TMC5: variants seen among roughly 807,000 people sequenced by gnomAD.
The protein encoded by TMC5 is transmembrane channel-like protein 5.
TMC5 carries 86 observed loss-of-function variants against 110.5 expected under a neutral mutation model. The observed-to-expected ratio is 0.78, with a 90% CI of 0.65 to 0.93. The LOEUF is 0.93. TMC5 is among the 40% of genes least tolerant of loss of function. TMC5 has a pLI of 0.00. For missense variants in TMC5, 1,144 were observed against 1,222.8 expected (o/e 0.94, Z 0.96); for synonymous variants, 455 against 439.5 (o/e 1.04, Z -0.44).
At chr16:19,475,160 G>T (rs1474090388) in intron 12 of TMC5, among the ~76,000 whole-genome samples, 1 of 152,218 alleles carries the variant, frequency 6.6e-6, no homozygotes, top group Non-Finnish European at 1.5e-5. Flanking sequence ...GGTGGCTCAT[G>T]CCTGTAATCC....
At chr16:19,427,438 C>T (rs796954168) in intron 1 of TMC5, among the ~76,000 whole-genome samples, 3 of 152,240 alleles carry the variant, frequency 2.0e-5, no homozygotes, top group East Asian at 3.9e-4. Flanking sequence ...AGTGACAAAA[C>T]GAGACCCTGT....
chr16:19,464,333 A>G (rs1391181394), intron 8 of TMC5, among the ~76,000 whole-genome samples: 1 of 152,278 alleles, frequency 6.6e-6, no homozygotes, highest in South Asian at 2.1e-4. Context: ...CTAAGGTAAG[A>G]GGATTGCTTG....
chr16:19,458,599 C>T (rs1967944424), intron 5 of TMC5, among the ~76,000 whole-genome samples: 1 of 152,172 alleles, frequency 6.6e-6, no homozygotes, highest in Non-Finnish European at 1.5e-5. Context: ...AGAAAAATAT[C>T]CCTTTACTCA....
At chr16:19,484,710 G>A (rs560276667) in intron 15 of TMC5, among the ~76,000 whole-genome samples, 8 of 150,492 alleles carry the variant, frequency 5.3e-5, no homozygotes, top group South Asian at 2.1e-4. Context: ...GTAGTGAGCC[G>A]AGATCATGCC....
intron 9 of TMC5, 103 bp from the exon 10 acceptor site, chr16:19,469,578 G>T (rs539265405): frequency 7.0e-7 from 1 of 1,423,568 alleles, no homozygotes. Flanking sequence ...AAGTCTTCAC[G>T]TTGCCTTTCA....
intron 2 of TMC5, among the ~76,000 whole-genome samples, chr16:19,439,759 G>A (rs1967437101): frequency 6.6e-6 from 1 of 152,162 alleles, no homozygotes; most frequent in Non-Finnish European, 1.5e-5. Context: ...GAAGTTGTGG[G>A]TATCACTGCT....
chr16:19,431,174 T>C (rs1386881933), intron 2 of TMC5, among the ~76,000 whole-genome samples: 1 of 152,148 alleles, frequency 6.6e-6, no homozygotes, highest in Admixed American at 6.5e-5. Context: ...ATCACTAGCA[T>C]ATAGAACATT....
intron 11 of TMC5, among the ~76,000 whole-genome samples, chr16:19,472,639 C>T (rs560313461): frequency 7.9e-5 from 12 of 152,286 alleles, no homozygotes; most frequent in Non-Finnish European, 1.2e-4. Context: ...TGGGGCCAGG[C>T]CTTGCCTTGT....
chr16:19,447,040 A>G (rs1967630152), intron 4 of TMC5, among the ~76,000 whole-genome samples: 1 of 151,974 alleles, frequency 6.6e-6, no homozygotes, highest in Non-Finnish European at 1.5e-5. Context: ...AACAACAACA[A>G]CTATAAGAGT....
upstream of TMC5, among the ~76,000 whole-genome samples, chr16:19,414,434 C>T (rs1243294282): frequency 6.6e-6 from 1 of 152,162 alleles, no homozygotes; most frequent in Non-Finnish European, 1.5e-5. Context: ...GTGATAACTG[C>T]TGCTTGGAGT....
At chr16:19,489,080 C>T (rs1968820968) in intron 17 of TMC5, among the ~76,000 whole-genome samples, 1 of 152,220 alleles carries the variant, frequency 6.6e-6, no homozygotes, top group Non-Finnish European at 1.5e-5. Flanking sequence ...GGCATATCCA[C>T]TCTCTTCTCT....
intron 2 of TMC5, among the ~76,000 whole-genome samples, chr16:19,436,388 T>C (rs1217044538): frequency 1.3e-5 from 2 of 152,176 alleles, no homozygotes; most frequent in African/African-American, 4.8e-5. Flanking sequence ...CTGTTTTCAA[T>C]TTCTTGAATT....
upstream of TMC5, among the ~76,000 whole-genome samples, chr16:19,413,249 C>G (rs1966860901): frequency 6.6e-6 from 1 of 151,794 alleles, no homozygotes; most frequent in South Asian, 2.1e-4. Flanking sequence ...GCAGGCTGGG[C>G]ATGGTTACTC....
chr16:19,449,464 C>A, intron 4 of TMC5, 78 bp from the exon 5 acceptor site: 1 of 1,199,478 alleles, frequency 8.3e-7, no homozygotes, highest in Non-Finnish European at 1.2e-6. Context: ...CCACTATTAG[C>A]ACATCATAAC....
intron 1 of TMC5, among the ~76,000 whole-genome samples, chr16:19,429,735 A>G (rs1023828087): frequency 6.6e-6 from 1 of 152,120 alleles, no homozygotes; most frequent in African/African-American, 2.4e-5. Flanking sequence ...TCTTTTTTAA[A>G]TTCTTTTTCA....
chr16:19,492,356 A>C, intron 19 of TMC5, 128 bp downstream of exon 19: 1 of 490,840 alleles, frequency 2.0e-6, no homozygotes. Flanking sequence ...ACAACCATCA[A>C]TGTTTTTATA....
chr16:19,482,507 A>G (rs951136631), intron 15 of TMC5, among the ~76,000 whole-genome samples: 6 of 152,146 alleles, frequency 3.9e-5, no homozygotes, highest in Admixed American at 2.6e-4. Flanking sequence ...TCTCTCCACA[A>G]AGATCTGTGG....
At chr16:19,427,318 A>T (rs374701685) in intron 1 of TMC5, among the ~76,000 whole-genome samples, 3 of 152,264 alleles carry the variant, frequency 2.0e-5, no homozygotes, top group East Asian at 3.9e-4. Flanking sequence ...TGGGCACAGT[A>T]GCTCACACCT....
rs183979029 is a variant in TMC5 at position 19,470,667 on chromosome 16, A to C, written c.1782+842A>C. On this transcript the variant is annotated intron_variant, in intron 10 of 21. Coordinates refer to ENST00000542583, the MANE Select transcript of TMC5 (RefSeq NM_001261841.2). ...CCTGCAGCAGAGAATTATGCAGCCC[A>C]CCATGTCAATAGTGCAGAGGTTGAG... Among the ~76,000 whole-genome samples, 330 of 140,304 alleles carry C rather than the reference A, an allele frequency of 2.4e-3. 3 individuals carry two copies. Among genetic ancestry groups the C allele is most frequent in the Middle Eastern group, 0.012 (3 of 252 alleles). 92.0% of individuals were successfully genotyped at this position (140,304 alleles called of 152,430 possible). A position where few individuals can be genotyped will look rare whatever the true frequency, so the allele number is the denominator to read the frequency against.
Sources: gnomAD v4.1 joint callset for allele counts (sites outside exome capture counted in the v4.1 genomes callset) on GRCh38, gnomAD v4.1.1 for gene constraint, MANE v1.5 for transcripts, NCBI Gene and HGNC (gene_info 2026-07-23, HGNC 2026-07-21) for gene names.